The following GRIK3 variants were observed in gnomAD, a reference collection of about 807,000 sequenced individuals.
GRIK3 encodes glutamate ionotropic receptor kainate type subunit 3, also known as glutamate receptor ionotropic, kainate 3.
GRIK3 carries 29 observed loss-of-function variants against 102.5 expected under a neutral mutation model. The ratio of observed to expected loss-of-function variants is 0.28; its 90% CI spans 0.21 to 0.39. The LOEUF is 0.39. GRIK3 is among the 10% of genes least tolerant of loss of function. The pLI, the probability that GRIK3 is intolerant of heterozygous loss-of-function variation, is 1.00. For synonymous variants in GRIK3, 511 were observed against 504.9 expected, an observed-to-expected ratio of 1.01 and a Z score of -0.16; for missense variants, 908 against 1,252.4, an observed-to-expected ratio of 0.73 and a Z score of 4.15.
chr1:36,952,959 G>C (rs943699436), intron 1 of GRIK3, among the ~76,000 whole-genome samples: 2 of 152,340 alleles, frequency 1.3e-5, no homozygotes, highest in East Asian at 1.9e-4. Context: ...AGCTGACAGG[G>C]AGAATCAGCA....
chr1:36,839,572 T>C (rs1640422539), intron 10 of GRIK3, among the ~76,000 whole-genome samples: 2 of 152,126 alleles, frequency 1.3e-5, no homozygotes, highest in African/African-American at 4.8e-5. Context: ...TAATAGTAAA[T>C]ACTGACATGG....
intron 6 of GRIK3, 84 bp from the exon 7 acceptor site, chr1:36,859,335 T>C (rs958426945): frequency 4.3e-6 from 6 of 1,398,798 alleles, no homozygotes; most frequent in Non-Finnish European, 5.9e-6. Flanking sequence ...TCTCCTCCCT[T>C]GCCACAGGTA....
At chr1:36,951,226 A>G (rs1641840008) in intron 1 of GRIK3, among the ~76,000 whole-genome samples, 1 of 152,226 alleles carries the variant, frequency 6.6e-6, no homozygotes, top group Non-Finnish European at 1.5e-5. Context: ...AGAGACTGAG[A>G]CTAGTGACTC....
intron 8 of GRIK3, among the ~76,000 whole-genome samples, chr1:36,852,771 G>T (rs1420582813): frequency 6.6e-6 from 1 of 152,204 alleles, no homozygotes; most frequent in African/African-American, 2.4e-5. Flanking sequence ...ACAGCAACTT[G>T]CAGGGTTGGG....
intron 1 of GRIK3, among the ~76,000 whole-genome samples, chr1:36,953,134 C>T (rs1360737730): frequency 1.3e-5 from 2 of 152,224 alleles, no homozygotes; most frequent in Non-Finnish European, 2.9e-5. Flanking sequence ...TCTGTGCAGA[C>T]ACAACACTTC....
chr1:36,970,683 T>C (rs1265817493), intron 1 of GRIK3, among the ~76,000 whole-genome samples: 1 of 152,148 alleles, frequency 6.6e-6, no homozygotes, highest in African/African-American at 2.4e-5. Flanking sequence ...TCTCTAGGGT[T>C]CCTCTTCCCC....
At chr1:36,975,850 G>A (rs1642190767) in intron 1 of GRIK3, among the ~76,000 whole-genome samples, 1 of 152,224 alleles carries the variant, frequency 6.6e-6, no homozygotes, top group African/African-American at 2.4e-5. Context: ...TCACATGACA[G>A]CAGTAAGCCG....
intron 1 of GRIK3, among the ~76,000 whole-genome samples, chr1:36,955,246 T>C (rs1379396180): frequency 3.9e-5 from 6 of 152,102 alleles, no homozygotes; most frequent in Admixed American, 2.0e-4. Flanking sequence ...GGGCCTGGCA[T>C]GGCTGTCATC....
intron 1 of GRIK3, among the ~76,000 whole-genome samples, chr1:36,988,590 T>C (rs1326711860): frequency 1.3e-5 from 2 of 152,218 alleles, no homozygotes; most frequent in Non-Finnish European, 2.9e-5. Context: ...ATAACTTTAC[T>C]CCTGAGTGTT....
At chr1:36,902,951 G>A (rs376935551) in intron 1 of GRIK3, among the ~76,000 whole-genome samples, 7 of 152,040 alleles carry the variant, frequency 4.6e-5, no homozygotes, top group Admixed American at 2.0e-4. Context: ...CACCACATCC[G>A]GCTAATTTTT....
intron 1 of GRIK3, among the ~76,000 whole-genome samples, chr1:37,007,537 G>A (rs1010646105): frequency 2.6e-5 from 4 of 152,200 alleles, no homozygotes; most frequent in Admixed American, 2.6e-4. Flanking sequence ...GAGAACTGAT[G>A]CATGGTGGCA....
chr1:36,803,459 G>A (rs575440323), intron 15 of GRIK3, among the ~76,000 whole-genome samples: 14 of 151,884 alleles, frequency 9.2e-5, no homozygotes, highest in Admixed American at 5.9e-4. Flanking sequence ...TTTTTGAGAC[G>A]AAGTCTCTGT....
At chr1:36,823,787 C>T (rs1642722850) in intron 11 of GRIK3, among the ~76,000 whole-genome samples, 1 of 152,136 alleles carries the variant, frequency 6.6e-6, no homozygotes, top group Admixed American at 6.5e-5. Flanking sequence ...TATATCTGGT[C>T]TGGGTTTGAA....
At position 36,859,179 on chromosome 1, in the gene GRIK3, C is replaced by T; in HGVS notation, c.1033G>A (p.Val345Met). ...VCYQRAPQMT[V>M]NSLQCHRHKA... Reference sequence around the variant, plus strand: ...TGCCGATGGCACTGCAGGGAGTTCACGGTCATCTGTGGTGCCCGCTGGTAG... The same window carrying T: ...TGCCGATGGCACTGCAGGGAGTTCATGGTCATCTGTGGTGCCCGCTGGTAG... Residue 345 changes from valine (V) to methionine (M), a missense_variant, in exon 7 of 16, where the codon GTG becomes ATG. Around this residue, in one of 3 missense-constraint regions of GRIK3, gnomAD observed 585 missense variants for 824.9 expected, o/e 0.71. Coordinates refer to ENST00000373091, the MANE Select transcript of GRIK3 (RefSeq NM_000831.4). 1.2e-6 allele frequency: 2 copies of T among 1,613,840 alleles called. No homozygotes were observed. Among genetic ancestry groups the T allele is most frequent in the Non-Finnish European group, 1.7e-6 (2 of 1,179,740 alleles).
In GRIK3 at chr1:36,807,474, C is replaced by A. The variant is rs1213023048; in HGVS notation, c.2092-1148G>T. On this transcript the variant is annotated intron_variant, in intron 13 of 15. Coordinates refer to ENST00000373091, the MANE Select transcript of GRIK3 (RefSeq NM_000831.4). ...TGTGTCTGTCTGTGATGTCAACCTG[C>A]CTGACTGGCACCCGGCCCAGCTCCA... 2.0e-5 allele frequency among the ~76,000 whole-genome samples: 3 copies of A among 152,274 alleles called. No homozygotes were observed. In the East Asian group the frequency reaches 5.8e-4, roughly 29 times the overall value.
chr1:36,923,155 C>T (rs777986154), intron 1 of GRIK3, among the ~76,000 whole-genome samples: 2 of 152,208 alleles, frequency 1.3e-5, no homozygotes, highest in Non-Finnish European at 2.9e-5. Context: ...ATTAATGTTT[C>T]TGGTTAAATT....
intron 1 of GRIK3, among the ~76,000 whole-genome samples, chr1:36,940,784 A>C (rs1641711281): frequency 6.6e-6 from 1 of 152,226 alleles, no homozygotes; most frequent in East Asian, 1.9e-4. Flanking sequence ...TCCTGAAAAC[A>C]GAGCTCACAC....
At chr1:37,013,000 A>G (rs1642613709) in intron 1 of GRIK3, among the ~76,000 whole-genome samples, 2 of 152,238 alleles carry the variant, frequency 1.3e-5, no homozygotes, top group African/African-American at 4.8e-5. Context: ...GCTGATAAAC[A>G]CATACCCGAG....
chr1:36,988,886 A>C (rs1348170692), intron 1 of GRIK3, among the ~76,000 whole-genome samples: 1 of 152,104 alleles, frequency 6.6e-6, no homozygotes, highest in Non-Finnish European at 1.5e-5. Context: ...TGAATGAAAC[A>C]CCCGCGCTTT....
Sources: gnomAD v4.1 joint callset for allele counts (sites outside exome capture counted in the v4.1 genomes callset) on GRCh38, gnomAD v4.1.1 for gene constraint, gnomAD v4.1.1 regional missense constraint, MANE v1.5 for transcripts, NCBI Gene and HGNC (gene_info 2026-07-23, HGNC 2026-07-21) for gene names.